The following MCTP1 variants were observed in gnomAD, a reference collection of about 807,000 sequenced individuals.
The protein encoded by MCTP1 is multiple C2 and transmembrane domain containing 1, also known as multiple C2 and transmembrane domain-containing protein 1.
In MCTP1, 69 loss-of-function variants were observed where a neutral mutation model predicts 120.6. The ratio of observed to expected loss-of-function variants is 0.57; its 90% CI spans 0.47 to 0.70. MCTP1 has a LOEUF of 0.70. Among genes scored for constraint, MCTP1 ranks in the 30% least tolerant of loss-of-function variants. The pLI is 0.00. For synonymous variants in MCTP1, 529 were observed against 493.1 expected (o/e 1.07, Z -0.96); for missense variants, 1,203 against 1,248.8 (o/e 0.96, Z 0.55).
intron 1 of MCTP1, among the ~76,000 whole-genome samples, chr5:95,220,144 G>T (rs1753516491): frequency 6.6e-6 from 1 of 152,130 alleles, no homozygotes; most frequent in South Asian, 2.1e-4. Flanking sequence ...TAGAGCTGAG[G>T]TTCCTTAAGC....
At chr5:95,255,583 A>G (rs759125134) in intron 1 of MCTP1, among the ~76,000 whole-genome samples, 1 of 152,192 alleles carries the variant, frequency 6.6e-6, no homozygotes, top group Non-Finnish European at 1.5e-5. Flanking sequence ...CGAAGGTTAC[A>G]GGTACTGAAG....
intron 6 of MCTP1, among the ~76,000 whole-genome samples, chr5:94,924,255 T>A (rs1812442109): frequency 6.6e-6 from 1 of 152,126 alleles, no homozygotes; most frequent in Non-Finnish European, 1.5e-5. Flanking sequence ...ACTTACCTTT[T>A]CATTCTTAAG....
At chr5:94,943,935 G>A (rs72777306) in intron 3 of MCTP1, among the ~76,000 whole-genome samples, 27,259 of 152,036 alleles carry the variant, frequency 0.18, 3,094 homozygotes, top group South Asian at 0.29. Context: ...GCTCCAGGAT[G>A]TGAGAATCCA....
intron 19 of MCTP1, among the ~76,000 whole-genome samples, chr5:94,715,423 A>C (rs1758832841): frequency 6.6e-6 from 1 of 151,438 alleles, no homozygotes; most frequent in South Asian, 2.1e-4. Flanking sequence ...CACTATGTGG[A>C]TACTGCTTAG....
intron 2 of MCTP1, among the ~76,000 whole-genome samples, chr5:95,003,111 T>C (rs527566323): frequency 6.6e-6 from 1 of 152,318 alleles, no homozygotes; most frequent in South Asian, 2.1e-4. Context: ...TCTGCCATAA[T>C]TGTAAGTTTC....
At chr5:95,243,221 G>A (rs1206510243) in intron 1 of MCTP1, among the ~76,000 whole-genome samples, 4 of 151,738 alleles carry the variant, frequency 2.6e-5, no homozygotes, top group Non-Finnish European at 4.4e-5. Flanking sequence ...ATTTAAAATA[G>A]AAAAAAAGAG....
At chr5:95,012,204 A>T (rs953990555) in intron 2 of MCTP1, among the ~76,000 whole-genome samples, 9 of 152,086 alleles carry the variant, frequency 5.9e-5, no homozygotes, top group Admixed American at 5.2e-4. Context: ...GATCATACTG[A>T]CACCTGTTTA....
intron 1 of MCTP1, among the ~76,000 whole-genome samples, chr5:95,212,525 C>T (rs1752509884): frequency 6.6e-6 from 1 of 152,140 alleles, no homozygotes; most frequent in South Asian, 2.1e-4. Flanking sequence ...AGGCCAGCAT[C>T]ATACTGATAC....
Position 95,171,885 on chromosome 5 carries a change from C to T in MCTP1, c.720+111971G>A, listed in dbSNP as rs558067739. The stretch of plus-strand genomic sequence containing the variant: ...CTCCTTTAGCTCGGAGGAGTTTAAT[C>T]GTCTGAAGCCTTCTTCTCTCAACTC... On this transcript the variant is annotated intron_variant, in intron 1 of 22. Coordinates refer to ENST00000515393, the MANE Select transcript of MCTP1 (RefSeq NM_024717.7). 4.6e-5 allele frequency among the ~76,000 whole-genome samples: 7 copies of T among 151,992 alleles called. 1 individual carries two copies. In the South Asian group the frequency reaches 6.2e-4, roughly 14 times the overall value.
chr5:94,879,235 A>G (rs1324306382), intron 12 of MCTP1, among the ~76,000 whole-genome samples: 1 of 152,154 alleles, frequency 6.6e-6, no homozygotes, highest in Non-Finnish European at 1.5e-5. Context: ...AATCAATAAT[A>G]GTATGTATTT....
At chr5:94,997,764 T>C (rs1308851411) in intron 2 of MCTP1, among the ~76,000 whole-genome samples, 1 of 152,198 alleles carries the variant, frequency 6.6e-6, no homozygotes, top group Non-Finnish European at 1.5e-5. Context: ...TTTATTTATG[T>C]ATTTTTTCAA....
chr5:94,781,584 C>T (rs1412769241), intron 18 of MCTP1, among the ~76,000 whole-genome samples: 1 of 152,070 alleles, frequency 6.6e-6, no homozygotes, highest in African/African-American at 2.4e-5. Context: ...AATATTTAAC[C>T]ATTAAGGTTG....
At chr5:95,243,459 A>G (rs1756393848) in intron 1 of MCTP1, among the ~76,000 whole-genome samples, 1 of 152,154 alleles carries the variant, frequency 6.6e-6, no homozygotes, top group Non-Finnish European at 1.5e-5. Flanking sequence ...GCATGAATGG[A>G]GCATAGAGTC....
intron 17 of MCTP1, among the ~76,000 whole-genome samples, chr5:94,813,379 G>C (rs1364836020): frequency 6.6e-6 from 1 of 152,138 alleles, no homozygotes; most frequent in East Asian, 1.9e-4. Context: ...ATGTAAAATG[G>C]TAAGCCTACT....
chr5:95,119,947 C>A (rs917598739), intron 1 of MCTP1, among the ~76,000 whole-genome samples: 1 of 151,752 alleles, frequency 6.6e-6, no homozygotes, highest in Non-Finnish European at 1.5e-5. Context: ...CCGAGGTGGG[C>A]AGATCACGAG....
intron 1 of MCTP1, among the ~76,000 whole-genome samples, chr5:95,070,182 A>G (rs1751777802): frequency 6.6e-6 from 1 of 152,242 alleles, no homozygotes; most frequent in Non-Finnish European, 1.5e-5. Flanking sequence ...CACCAGGTCC[A>G]TGGAAGGCCT....
chr5:94,873,266 T>G (rs1798162961), intron 12 of MCTP1, 25 bp from the exon 13 acceptor site: 2 of 1,396,816 alleles, frequency 1.4e-6, no homozygotes, highest in East Asian at 2.3e-5. Flanking sequence ...TGGTAAATAT[T>G]TTTAGTGTAC....
At chr5:95,246,892 G>A (rs563412184) in intron 1 of MCTP1, among the ~76,000 whole-genome samples, 1 of 152,296 alleles carries the variant, frequency 6.6e-6, no homozygotes, top group East Asian at 1.9e-4. Flanking sequence ...GTATCAGGGT[G>A]ATGACAGCCT....
At chr5:95,049,104 A>T (rs750263255) in intron 1 of MCTP1, among the ~76,000 whole-genome samples, 2 of 152,174 alleles carry the variant, frequency 1.3e-5, no homozygotes, top group East Asian at 3.8e-4. Context: ...TAATTAAAGA[A>T]GAATTATGCT....
Sources: allele counts gnomAD v4.1 joint callset (sites outside exome capture counted in the v4.1 genomes callset), GRCh38; gene constraint gnomAD v4.1.1; transcripts MANE v1.5; gene names NCBI Gene and HGNC (gene_info 2026-07-23, HGNC 2026-07-21).